The following MMAA variants were observed in gnomAD, a reference collection of about 807,000 sequenced individuals.
MMAA encodes metabolism of cobalamin associated A.
MMAA carries 41 observed loss-of-function variants against 45.0 expected under a neutral mutation model. The ratio of observed to expected loss-of-function variants is 0.91; its 90% CI spans 0.71 to 1.18. The LOEUF (loss-of-function observed/expected upper bound fraction) is 1.18, where lower values mean the gene tolerates loss of function less well. MMAA is among the 50% of genes most tolerant of loss of function. The pLI is 0.00. For missense variants in MMAA, 460 were observed against 495.7 expected, an observed-to-expected ratio of 0.93 and a Z score of 0.68; for synonymous variants, 154 against 178.2, an observed-to-expected ratio of 0.86 and a Z score of 1.08.
intron 1 of MMAA, among the ~76,000 whole-genome samples, chr4:145,626,936 G>C (rs1560791016): frequency 6.6e-6 from 1 of 152,290 alleles, no homozygotes; most frequent in East Asian, 1.9e-4. Flanking sequence ...CATACATCTG[G>C]ATAGCTTTTT....
At position 145,648,147 on chromosome 4, in the gene MMAA, C is replaced by CT. The variant is rs79060790; in HGVS notation, c.733+2008dup. Among the ~76,000 whole-genome samples, 1,023 of 125,166 alleles carry CT rather than the reference C, an allele frequency of 8.2e-3. 16 individuals are homozygous for CT. Among genetic ancestry groups the CT allele is most frequent in the East Asian group, 0.043 (187 of 4,372 alleles). 82.1% of individuals were successfully genotyped at this position (125,166 alleles called of 152,430 possible). A position where few individuals can be genotyped will look rare whatever the true frequency, so the allele number is the denominator to read the frequency against. On this transcript the variant is annotated intron_variant, in intron 4 of 6. Transcript: ENST00000649156. ...ACAGGTGTGATCCACCGTGCCTGGCCTTTTTTTTTTTTTTTTTAAAGACAG... is the reference window on the plus strand; with the variant it reads ...ACAGGTGTGATCCACCGTGCCTGGCCTTTTTTTTTTTTTTTTTTAAAGACAG...
In MMAA at chr4:145,659,978, A is replaced by C. The variant is rs1356510430; in HGVS notation, c.*4544A>C. On this transcript the variant is annotated 3_prime_UTR_variant, in exon 7 of 7. Coordinates refer to ENST00000649156, the MANE Select transcript of MMAA (RefSeq NM_172250.3). Reference sequence around the variant, plus strand: ...CCCTTCCTTCCACTCTCCCCTCCCCAGTCTCTGGTAACCACTGTTCTGTTC... The same window carrying C: ...CCCTTCCTTCCACTCTCCCCTCCCCCGTCTCTGGTAACCACTGTTCTGTTC... The C allele has an allele frequency of 6.6e-6, 1 of 151,590 alleles. No homozygotes were observed. Among genetic ancestry groups the C allele is most frequent in the Non-Finnish European group, 1.5e-5 (1 of 67,934 alleles). 9.4% of individuals were successfully genotyped at this position (151,590 alleles called of 1,614,324 possible).
chr4:145,635,470 C>T (rs1441292475), intron 1 of MMAA, among the ~76,000 whole-genome samples: 1 of 152,114 alleles, frequency 6.6e-6, no homozygotes, highest in African/African-American at 2.4e-5. Flanking sequence ...GTTGGGGATT[C>T]AAAACAGTTT....
At position 145,656,061 on chromosome 4, in the gene MMAA, A is replaced by T. The variant is rs1728221214; in HGVS notation, c.*627A>T. ...TAAGAGAGCAAAAGGGAACTGGGAA[A>T]AATCAGCTACAAATAAAATGGGTGA... On this transcript the variant is annotated 3_prime_UTR_variant, in exon 7 of 7. Coordinates refer to ENST00000649156, the MANE Select transcript of MMAA (RefSeq NM_172250.3). 6.6e-6 allele frequency: 1 copy of T among 152,178 alleles called. No individual in the cohort carries two copies. The highest frequency in any genetic ancestry group is 2.4e-5 in the African/African-American group (1 of 41,434). The allele number at this position is 152,178 out of a possible 1,614,324, so 9.4% of individuals were successfully genotyped here.
chr4:145,625,478 A>T (rs147001844), intron 1 of MMAA: 1 of 718,626 alleles, frequency 1.4e-6, no homozygotes, highest in African/African-American at 1.7e-5. Context: ...CTGCTCTGGC[A>T]TAGGGATATA....
chr4:145,654,121 G>A lies in MMAA; in HGVS notation c.947G>A (p.Arg316His), dbSNP rs377228966. 126 of 1,613,952 alleles carry A rather than the reference G, an allele frequency of 7.8e-5. No individual in the cohort carries two copies. Among genetic ancestry groups the A allele is most frequent in the African/African-American group, 1.2e-4 (9 of 74,900 alleles). Residue 316 changes from arginine (R) to histidine (H), a missense_variant, in exon 6 of 7, where the codon CGT becomes CAT. By Grantham distance (29) the Arg-to-His change is conservative. Coordinates refer to ENST00000649156, the MANE Select transcript of MMAA (RefSeq NM_172250.3). Reference protein sequence around the residue: ...YVSALKLLRKRSQVWKPKVIR... With the variant: ...YVSALKLLRKHSQVWKPKVIR... Reference sequence around the variant, plus strand: ...AGTGCACTGAAATTACTCCGCAAACGTTCACAAGTCTGGAAACCAAAGGTA... The same window carrying A: ...AGTGCACTGAAATTACTCCGCAAACATTCACAAGTCTGGAAACCAAAGGTA...
At chr4:145,646,360 C>A (rs1215177396) in intron 4 of MMAA, 1 of 582,700 alleles carries the variant, frequency 1.7e-6, no homozygotes, top group Non-Finnish European at 2.9e-6. Context: ...AAAAATAAGC[C>A]ATCTATCTGG....
chr4:145,646,310 G>C, intron 4 of MMAA, 154 bp downstream of exon 4: 1 of 846,266 alleles, frequency 1.2e-6, no homozygotes, highest in Non-Finnish European at 1.8e-6. Context: ...TGAATGTATA[G>C]GTTATAATCT....
chr4:145,621,950 A>AT (rs1734097520), intron 1 of MMAA, among the ~76,000 whole-genome samples: 1 of 152,238 alleles, frequency 6.6e-6, no homozygotes, highest in Admixed American at 6.5e-5. Flanking sequence ...AAAAATGTAC[A>AT]TTTTAGAAAC....
At chr4:145,643,300 CTG>C (rs375228426) in intron 3 of MMAA, among the ~76,000 whole-genome samples, 221 of 152,204 alleles carry the variant, frequency 1.5e-3, no homozygotes, top group Admixed American at 1.8e-3. Flanking sequence ...GGTTCTTAAA[CTG>C]TGTTATATAA....
At chr4:145,646,569 G>T in intron 4 of MMAA, 1 of 214,648 alleles carries the variant, frequency 4.7e-6, no homozygotes, top group Non-Finnish European at 9.3e-6. Context: ...TATATCCTTA[G>T]CATATAGTTA....
intron 6 of MMAA, among the ~76,000 whole-genome samples, chr4:145,654,770 C>CT (rs142329726): frequency 1.8e-3 from 272 of 152,304 alleles, no homozygotes; most frequent in Middle Eastern, 0.01. Context: ...GAGAATTAGG[C>CT]TATTTCTCAA....
intron 1 of MMAA, among the ~76,000 whole-genome samples, chr4:145,638,300 C>T (rs146450540): frequency 2.0e-5 from 3 of 152,024 alleles, no homozygotes; most frequent in African/African-American, 4.8e-5. Context: ...ACCCGGGAGG[C>T]GGAGCTTGCA....
At chr4:145,650,112 G>C (rs1405224712) in intron 4 of MMAA, among the ~76,000 whole-genome samples, 3 of 152,192 alleles carry the variant, frequency 2.0e-5, no homozygotes, top group Admixed American at 6.5e-5. Flanking sequence ...AGTTGGAGGA[G>C]TTTGTGAGTT....
chr4:145,626,489 T>C (rs889540847), intron 1 of MMAA, among the ~76,000 whole-genome samples: 1 of 152,240 alleles, frequency 6.6e-6, no homozygotes, highest in Non-Finnish European at 1.5e-5. Context: ...CGAGATCTAC[T>C]GATAAAAACT....
chr4:145,639,977 CT>C, intron 2 of MMAA: 1 of 374,282 alleles, frequency 2.7e-6, no homozygotes, highest in Non-Finnish European at 3.7e-6. Context: ...AATTCTGCCT[CT>C]TAGGTATTTC....
Position 145,659,033 on chromosome 4 carries a change from G to A in MMAA, c.*3599G>A, listed in dbSNP as rs893778338. Reference sequence around the variant, plus strand: ...TGTCAGAGTGGTGGCTGGCACCAACGGTAGATGTTCTCAACATTAGCGTTA... The same window carrying A: ...TGTCAGAGTGGTGGCTGGCACCAACAGTAGATGTTCTCAACATTAGCGTTA... On this transcript the variant is annotated 3_prime_UTR_variant, in exon 7 of 7. Coordinates refer to ENST00000649156, the MANE Select transcript of MMAA (RefSeq NM_172250.3). 5 of 152,076 alleles carry A rather than the reference G, an allele frequency of 3.3e-5. No individual in the cohort carries two copies. The East Asian group carries it at 5.8e-4, about 18-fold the overall frequency. The allele number at this position is 152,076 out of a possible 1,614,324, so 9.4% of individuals were successfully genotyped here. A position where few individuals can be genotyped will look rare whatever the true frequency, so the allele number is the denominator to read the frequency against.
rs864309725 is a variant in MMAA at position 145,639,300 on chromosome 4, G to A, written c.161G>A (p.Trp54Ter). ...FNSLGLHCTK[W>*]MLLSDGLKRK... ...TCTCTTGGACTCCATTGTACAAAGTGGATGCTGCTGTCAGATGGCTTAAAG... is the reference window on the plus strand; with the variant it reads ...TCTCTTGGACTCCATTGTACAAAGTAGATGCTGCTGTCAGATGGCTTAAAG... Residue 54 changes from tryptophan (W) to a stop codon, truncating the protein, a stop_gained, in exon 2 of 7, where the codon TGG becomes TAG. Coordinates refer to ENST00000649156, the MANE Select transcript of MMAA (RefSeq NM_172250.3). LOFTEE classifies it high-confidence loss of function. 1 of 1,614,112 alleles carries A rather than the reference G, an allele frequency of 6.2e-7. No homozygotes were observed. Among genetic ancestry groups the A allele is most frequent in the Non-Finnish European group, 8.5e-7 (1 of 1,180,028 alleles).
intron 5 of MMAA, among the ~76,000 whole-genome samples, chr4:145,652,163 CA>C (rs1488903415): frequency 6.6e-6 from 1 of 152,134 alleles, no homozygotes; most frequent in Non-Finnish European, 1.5e-5. Context: ...GGCCGAAATG[CA>C]AAGCTTCTGT....
Sources: allele counts gnomAD v4.1 joint callset (sites outside exome capture counted in the v4.1 genomes callset), GRCh38; gene constraint gnomAD v4.1.1; transcripts MANE v1.5; gene names NCBI Gene and HGNC (gene_info 2026-07-23, HGNC 2026-07-21).